TPD52L3: variants seen among roughly 807,000 people sequenced by gnomAD.
TPD52L3 encodes tumor protein D55.
A neutral mutation model predicts 8.7 loss-of-function variants in TPD52L3; 12 were observed. The observed-to-expected ratio is 1.38, with a 90% CI of 0.89 to 2.24. The LOEUF is 2.24. Ranked by LOEUF, TPD52L3 falls within the 30% of genes most tolerant of loss-of-function variation. The pLI is 0.00. For synonymous variants in TPD52L3, 79 were observed against 66.8 expected, an observed-to-expected ratio of 1.18 and a Z score of -0.89; for missense variants, 207 against 158.7, an observed-to-expected ratio of 1.30 and a Z score of -1.64.
At position 6,328,439 on chromosome 9, in the gene TPD52L3, C is replaced by T; in HGVS notation, c.-157C>T. The T allele has an allele frequency of 1.1e-6, 1 of 870,426 alleles. No individual in the cohort carries two copies. Among genetic ancestry groups the T allele is most frequent in the Non-Finnish European group, 1.8e-6 (1 of 566,440 alleles). 53.9% of individuals were successfully genotyped at this position (870,426 alleles called of 1,614,324 possible). ...GTACCAGCTGGGCCATGGATCCCTCCCGCCTGAAATCTGACTCCACCTGCC... is the reference window on the plus strand; with the variant it reads ...GTACCAGCTGGGCCATGGATCCCTCTCGCCTGAAATCTGACTCCACCTGCC... On this transcript the variant is annotated 5_prime_UTR_variant, in exon 1 of 2. Transcript: ENST00000314556.
At chr9:6,329,208 A>ACC (rs1183459071) in intron 1 of TPD52L3, 37 of 1,423,274 alleles carry the variant, frequency 2.6e-5, no homozygotes, top group Non-Finnish European at 3.4e-5. Flanking sequence ...CAGTGCAAGG[A>ACC]CCCCCTTCCC....
At chr9:6,330,130 G>A (rs921106082) in intron 1 of TPD52L3, 4 of 1,609,588 alleles carry the variant, frequency 2.5e-6, no homozygotes, top group East Asian at 2.2e-5. Context: ...GCCTTTGAAT[G>A]GACCTAACTA....
Position 6,328,454 on chromosome 9 carries a change from C to A in TPD52L3, c.-142C>A. 1 of 1,023,350 alleles carries A rather than the reference C, an allele frequency of 9.8e-7. No homozygotes were observed. The highest frequency in any genetic ancestry group is 1.4e-6 in the Non-Finnish European group (1 of 700,856). The allele number at this position is 1,023,350 out of a possible 1,614,324, so 63.4% of individuals were successfully genotyped here. On this transcript the variant is annotated 5_prime_UTR_variant, in exon 1 of 2. Coordinates refer to ENST00000314556, the MANE Select transcript of TPD52L3 (RefSeq NM_001001874.3). ...TGGATCCCTCCCGCCTGAAATCTGA[C>A]TCCACCTGCCAAGAGTCTGAGCCTG...
chr9:6,329,325 A>G, intron 1 of TPD52L3: 1 of 1,164,578 alleles, frequency 8.6e-7, no homozygotes, highest in Non-Finnish European at 1.1e-6. Flanking sequence ...AAGAACACAG[A>G]TATTTGCTGC....
At position 6,330,275 on chromosome 9, in the gene TPD52L3, T is replaced by C. The variant is rs765624390; in HGVS notation, c.368-701T>C. 153 of 1,585,686 alleles carry C rather than the reference T, an allele frequency of 9.6e-5. 2 individuals carry two copies. In the Admixed American group the frequency reaches 2.5e-3, roughly 26 times the overall value. On this transcript the variant is annotated intron_variant, in intron 1 of 1. Coordinates refer to ENST00000314556, the MANE Select transcript of TPD52L3 (RefSeq NM_001001874.3). ...GTGCTTGTTTGAATTTTCTGATATC[T>C]GATTTTCACACGAATATACTTTTTG...
At chr9:6,329,176 G>A (rs1043088307) in intron 1 of TPD52L3, 33 of 1,454,382 alleles carry the variant, frequency 2.3e-5, no homozygotes, top group African/African-American at 4.3e-5. Flanking sequence ...AGCCCCCTTG[G>A]TAACCTTGCC....
intron 1 of TPD52L3, chr9:6,329,225 C>T: frequency 7.2e-7 from 1 of 1,386,696 alleles, no homozygotes; most frequent in Non-Finnish European, 9.4e-7. Flanking sequence ...TCCCTTATTA[C>T]ATTTGCAACT....
intron 1 of TPD52L3, chr9:6,329,372 A>G: frequency 9.3e-7 from 1 of 1,074,774 alleles, no homozygotes; most frequent in Non-Finnish European, 1.1e-6. Flanking sequence ...GTACCTGGTT[A>G]TTTTTCACTT....
intron 1 of TPD52L3, chr9:6,330,575 G>T (rs1818133327): frequency 3.4e-6 from 4 of 1,165,088 alleles, no homozygotes; most frequent in Non-Finnish European, 4.3e-6. Context: ...AAAAGCATCT[G>T]GTAAACTGTA....
rs751092913 is a variant in TPD52L3, at chr9:6,328,939, C to A, written c.344C>A (p.Ser115Ter). 5.0e-6 allele frequency: 8 copies of A among 1,614,022 alleles called. No individual in the cohort carries two copies. The highest frequency in any genetic ancestry group is 5.1e-6 in the Non-Finnish European group (6 of 1,180,014). Reference protein sequence around the residue: ...ICRKLGGVKKSATFRSFEGLI... With the variant: ...ICRKLGGVKK ...AGGAAGCTTGGAGGCGTGAAGAAGT[C>A]GGCCACATTCAGATCTTTTGAAGGT... Residue 115 changes from serine (S) to a stop codon, truncating the protein, a stop_gained, in exon 1 of 2, where the codon TCG (serine) becomes TAG (stop). Transcript: ENST00000314556. LOFTEE classifies it high-confidence loss of function.
Position 6,328,959 on chromosome 9 carries a change from G to A in TPD52L3, c.364G>A (p.Glu122Lys). Residue 122 changes from glutamate to lysine, a missense_variant, in exon 1 of 2, where the codon GAA becomes AAA. Physicochemically the swap from Glu to Lys is moderately conservative, Grantham distance 56. Transcript: ENST00000314556. ...GAAGTCGGCCACATTCAGATCTTTT[G>A]AAGGTCTGATGGGGACAATCAAGTC... ...VKKSATFRSF[E>K]GLIFNKYTLN... The A allele has an allele frequency of 3.7e-6, 6 of 1,614,184 alleles. No individual in the cohort carries two copies. The highest frequency in any genetic ancestry group is 4.2e-6 in the Non-Finnish European group (5 of 1,180,030).
Position 6,328,719 on chromosome 9 carries a change from G to A in TPD52L3, c.124G>A (p.Glu42Lys), listed in dbSNP as rs760952876. ...LKTKLTKLEA[E>K]IVTLRHVLAA... ...AACCAAACTCACTAAATTGGAGGCT[G>A]AAATTGTAACCCTACGCCACGTACT... Residue 42 changes from glutamate to lysine, a missense_variant, in exon 1 of 2, where the codon GAA (glutamate) becomes AAA (lysine). Transcript: ENST00000314556. The A allele has an allele frequency of 3.1e-6, 5 of 1,614,176 alleles. No individual in the cohort carries two copies. In the East Asian group the frequency reaches 6.7e-5, roughly 22 times the overall value.
At chr9:6,330,430 T>G (rs1818130069) in intron 1 of TPD52L3, 1 of 1,344,630 alleles carries the variant, frequency 7.4e-7, no homozygotes, top group African/African-American at 1.5e-5. Context: ...TATGGGTACA[T>G]TTCAGTAATC....
chr9:6,329,115 C>G, intron 1 of TPD52L3, 153 bp downstream of exon 1: 1 of 1,524,864 alleles, frequency 6.6e-7, no homozygotes, highest in Admixed American at 2.1e-5. Flanking sequence ...ATGAGCCACT[C>G]CCAGTTCTGG....
chr9:6,329,560 A>C (rs1818103054), intron 1 of TPD52L3: 1 of 1,002,946 alleles, frequency 1.0e-6, no homozygotes, highest in South Asian at 4.7e-5. Context: ...AGTAATCTGT[A>C]GTGTTTTTTT....
In TPD52L3 at chr9:6,328,784, G is replaced by C; in HGVS notation, c.189G>C (p.Lys63Asn). The change falls in exon 1 of 2, where the codon AAG becomes AAC. Residue 63 changes from lysine (K) to asparagine (N), a missense_variant. Coordinates refer to ENST00000314556, the MANE Select transcript of TPD52L3 (RefSeq NM_001001874.3). ...KERRCGELKR[K>N]LGLTALVGLR... ...GACGCTGTGGGGAACTCAAGAGGAA[G>C]TTAGGCCTCACCGCCTTGGTAGGGC... 6.2e-7 allele frequency: 1 copy of C among 1,614,184 alleles called. No individual in the cohort carries two copies. Among genetic ancestry groups the C allele is most frequent in the Non-Finnish European group, 8.5e-7 (1 of 1,180,042 alleles).
chr9:6,331,519 T>A lies in TPD52L3; in HGVS notation c.*500T>A, dbSNP rs1818149622. The A allele has an allele frequency of 6.6e-6, 1 of 152,382 alleles. No individual in the cohort carries two copies. Among genetic ancestry groups the A allele is most frequent in the Non-Finnish European group, 1.5e-5 (1 of 68,192 alleles). 9.4% of individuals were successfully genotyped at this position (152,382 alleles called of 1,614,324 possible). On this transcript the variant is annotated 3_prime_UTR_variant, in exon 2 of 2. Transcript: ENST00000314556. Reference sequence around the variant, plus strand: ...ATGAGTGAGGGAGGGGAAATGGTGTTACGTGAGTAAGAAAAAATAAGCAGG... The same window carrying A: ...ATGAGTGAGGGAGGGGAAATGGTGTAACGTGAGTAAGAAAAAATAAGCAGG...
intron 1 of TPD52L3, chr9:6,329,517 G>A (rs1818102257): frequency 9.9e-7 from 1 of 1,010,558 alleles, no homozygotes; most frequent in Non-Finnish European, 1.2e-6. Flanking sequence ...GAAAGCCAAA[G>A]TAGAGTTCTG....
intron 1 of TPD52L3, chr9:6,330,459 T>C (rs1818130639): frequency 1.5e-6 from 2 of 1,324,004 alleles, no homozygotes; most frequent in South Asian, 2.5e-5. Context: ...CCTAAAATGG[T>C]AATCCCTCCA....
Sources: allele counts gnomAD v4.1 joint callset, GRCh38; gene constraint gnomAD v4.1.1; transcripts MANE v1.5; gene names NCBI Gene and HGNC (gene_info 2026-07-23, HGNC 2026-07-21).